NKAIN2: variants seen among roughly 807,000 people sequenced by gnomAD.
NKAIN2 encodes the protein sodium/potassium-transporting ATPase subunit beta-1-interacting protein 2.
NKAIN2 carries 14 observed loss-of-function variants against 32.6 expected under a neutral mutation model. That is an observed-to-expected ratio of 0.43 (90% confidence interval 0.28 to 0.67). The LOEUF is 0.67. NKAIN2 is among the 30% of genes least tolerant of loss of function. The pLI, the probability that NKAIN2 is intolerant of heterozygous loss-of-function variation, is 0.17. For missense variants in NKAIN2, 198 were observed against 258.3 expected, an observed-to-expected ratio of 0.77 and a Z score of 1.60; for synonymous variants, 80 against 87.2, an observed-to-expected ratio of 0.92 and a Z score of 0.46.
chr6:124,706,914 A>C (rs189763232), intron 4 of NKAIN2, among the ~76,000 whole-genome samples: 27 of 152,154 alleles, frequency 1.8e-4, no homozygotes, highest in Non-Finnish European at 3.4e-4. Flanking sequence ...ATATGTATAC[A>C]TGTGCCATGC....
chr6:124,100,387 C>A (rs1279838019), intron 1 of NKAIN2, among the ~76,000 whole-genome samples: 1 of 152,160 alleles, frequency 6.6e-6, no homozygotes, highest in Admixed American at 6.5e-5. Flanking sequence ...TATGATTTTT[C>A]TTTCAGACAC....
chr6:124,070,600 T>G (rs1783410155), intron 1 of NKAIN2, among the ~76,000 whole-genome samples: 1 of 152,146 alleles, frequency 6.6e-6, no homozygotes, highest in South Asian at 2.1e-4. Flanking sequence ...GGAGCCATAT[T>G]CCTGGGGTTT....
At chr6:124,631,864 A>G (rs1255134530) in intron 3 of NKAIN2, among the ~76,000 whole-genome samples, 2 of 152,176 alleles carry the variant, frequency 1.3e-5, no homozygotes, top group Admixed American at 6.5e-5. Context: ...GTCAGGATGT[A>G]GTTTAATCAG....
At chr6:124,269,758 A>G (rs780030244) in intron 1 of NKAIN2, among the ~76,000 whole-genome samples, 1 of 151,940 alleles carries the variant, frequency 6.6e-6, no homozygotes, top group Non-Finnish European at 1.5e-5. Flanking sequence ...GTGAGCCACC[A>G]CATAGGGCCT....
intron 1 of NKAIN2, among the ~76,000 whole-genome samples, chr6:124,179,856 G>A (rs1179752108): frequency 1.3e-5 from 2 of 152,310 alleles, no homozygotes; most frequent in East Asian, 3.9e-4. Context: ...ACTTGAAGAT[G>A]TTGGTTGTCA....
chr6:124,391,106 A>G (rs971708016), intron 3 of NKAIN2: 1 of 152,124 alleles, frequency 6.6e-6, no homozygotes, highest in African/African-American at 2.4e-5. Flanking sequence ...ACCTGTGCAT[A>G]GATGTGGATG....
At chr6:123,883,841 A>C (rs1480090683) in intron 1 of NKAIN2, among the ~76,000 whole-genome samples, 1 of 144,936 alleles carries the variant, frequency 6.9e-6, no homozygotes. Flanking sequence ...CTTGCAGTGA[A>C]ACGAGATCGC....
At chr6:124,076,091 T>A (rs1783683565) in intron 1 of NKAIN2, among the ~76,000 whole-genome samples, 1 of 152,226 alleles carries the variant, frequency 6.6e-6, no homozygotes, top group South Asian at 2.1e-4. Flanking sequence ...GGTCTCTCTG[T>A]AAGTCCCAGC....
chr6:124,326,060 A>T (rs1282157522), intron 2 of NKAIN2, among the ~76,000 whole-genome samples: 9 of 150,486 alleles, frequency 6.0e-5, no homozygotes, highest in African/African-American at 1.7e-4. Flanking sequence ...ATTTTTTCAA[A>T]TTTTTTTACT....
At chr6:124,500,654 A>C (rs776293808) in intron 3 of NKAIN2, among the ~76,000 whole-genome samples, 9 of 151,858 alleles carry the variant, frequency 5.9e-5, no homozygotes, top group Non-Finnish European at 1.2e-4. Context: ...ACTCTGTCTC[A>C]ATCAATCAAT....
chr6:124,270,355 A>G (rs1794700198), intron 1 of NKAIN2, among the ~76,000 whole-genome samples: 1 of 152,176 alleles, frequency 6.6e-6, no homozygotes, highest in African/African-American at 2.4e-5. Flanking sequence ...AAAGCTGTCT[A>G]TACATTGTTT....
intron 3 of NKAIN2, among the ~76,000 whole-genome samples, chr6:124,634,632 G>C (rs994861011): frequency 1.3e-5 from 2 of 151,836 alleles, no homozygotes; most frequent in African/African-American, 4.8e-5. Flanking sequence ...GGGAATTCTA[G>C]AAAAATAAAA....
chr6:124,034,900 G>C (rs994324060), intron 1 of NKAIN2, among the ~76,000 whole-genome samples: 1 of 151,478 alleles, frequency 6.6e-6, no homozygotes, highest in African/African-American at 2.4e-5. Context: ...CATGATTTTT[G>C]GCCACTTGTC....
intron 1 of NKAIN2, among the ~76,000 whole-genome samples, chr6:124,180,410 A>G (rs1789385338): frequency 6.6e-6 from 1 of 152,090 alleles, no homozygotes; most frequent in South Asian, 2.1e-4. Context: ...CTTATTCACT[A>G]CCATGAGAAC....
intron 1 of NKAIN2, among the ~76,000 whole-genome samples, chr6:124,116,396 T>C (rs1267270206): frequency 6.6e-6 from 1 of 152,136 alleles, no homozygotes; most frequent in African/African-American, 2.4e-5. Context: ...GATTAGGCTA[T>C]CGCGGGAACA....
chr6:124,670,046 G>A (rs571923482), intron 4 of NKAIN2, among the ~76,000 whole-genome samples: 6 of 152,020 alleles, frequency 3.9e-5, no homozygotes, highest in South Asian at 2.1e-4. Context: ...AAAAGTAATC[G>A]CAGTTTTGCC....
At chr6:123,896,030 G>C (rs1774262626) in intron 1 of NKAIN2, among the ~76,000 whole-genome samples, 1 of 152,180 alleles carries the variant, frequency 6.6e-6, no homozygotes, top group Admixed American at 6.5e-5. Context: ...CATTTCGCCT[G>C]ATGTTCTATT....
chr6:124,763,139 A>G (rs1778350603), intron 4 of NKAIN2, among the ~76,000 whole-genome samples: 1 of 152,204 alleles, frequency 6.6e-6, no homozygotes, highest in Non-Finnish European at 1.5e-5. Context: ...GTTGGGGGAA[A>G]GCAGGGTGAT....
intron 3 of NKAIN2, among the ~76,000 whole-genome samples, chr6:124,518,292 T>TAA (rs59600600): frequency 0.045 from 6,251 of 140,182 alleles, 399 homozygotes; most frequent in African/African-American, 0.14. Context: ...TGATTCTAGT[T>TAA]AAAAAAAAAA....
Sources: allele counts gnomAD v4.1 joint callset (sites outside exome capture counted in the v4.1 genomes callset), GRCh38; gene constraint gnomAD v4.1.1; transcripts MANE v1.5; gene names NCBI Gene and HGNC (gene_info 2026-07-23, HGNC 2026-07-21).